Variants in COL14A1 observed in about 807,000 individuals in gnomAD.
COL14A1 encodes the protein collagen type XIV alpha 1 chain.
Under a neutral mutation model 230.3 loss-of-function variants are expected in COL14A1, and 136 were observed. The observed-to-expected ratio is 0.59, with a 90% CI of 0.51 to 0.68. The LOEUF (loss-of-function observed/expected upper bound fraction) is 0.68, where lower values mean the gene tolerates loss of function less well. COL14A1 is among the 30% of genes least tolerant of loss of function. The probability of loss-of-function intolerance (pLI) is 0.00; values close to 1 mark genes in which losing one functional copy is unlikely to be tolerated. For synonymous variants in COL14A1, 792 were observed against 784.1 expected (o/e 1.01, Z -0.17); for missense variants, 1,976 against 2,215.8 (o/e 0.89, Z 2.17).
chr8:120,202,587 C>T (rs1486203788), intron 8 of COL14A1, among the ~76,000 whole-genome samples: 1 of 152,148 alleles, frequency 6.6e-6, no homozygotes, highest in Non-Finnish European at 1.5e-5. Context: ...CTATCTCTAA[C>T]ATTGTTGGTA....
intron 41 of COL14A1, 112 bp from the exon 42 acceptor site, chr8:120,332,552 G>T (rs541179169): frequency 2.3e-6 from 2 of 870,642 alleles, no homozygotes; most frequent in Non-Finnish European, 3.6e-6. Flanking sequence ...CTGGTGATGA[G>T]GGGGAGGGAA....
chr8:120,193,929 C>T (rs940414553), intron 5 of COL14A1, among the ~76,000 whole-genome samples: 3 of 152,154 alleles, frequency 2.0e-5, no homozygotes, highest in African/African-American at 7.2e-5. Flanking sequence ...TGGGAGTGAC[C>T]CGGTTTTCCA....
At chr8:120,333,140 A>G (rs1274881072) in intron 42 of COL14A1, among the ~76,000 whole-genome samples, 1 of 152,236 alleles carries the variant, frequency 6.6e-6, no homozygotes, top group Non-Finnish European at 1.5e-5. Flanking sequence ...TTTCTCTTCC[A>G]AATTCTACAA....
chr8:120,283,792 T>C lies in COL14A1; in HGVS notation c.3967+14T>C. The C allele has an allele frequency of 6.2e-7, 1 of 1,602,836 alleles. No individual in the cohort carries two copies. ...TTATTTTAGACAGTAAGTATATTTA[T>C]TGAGATCACATTCACATATACATGT... On this transcript the variant is annotated intron_variant, in intron 32 of 47. Transcript: ENST00000297848.
chr8:120,238,079 G>A (rs919764346), intron 19 of COL14A1, among the ~76,000 whole-genome samples: 4 of 152,140 alleles, frequency 2.6e-5, no homozygotes. Flanking sequence ...CAGGAGGCAC[G>A]GGGGTCAGGG....
chr8:120,321,266 C>T (rs1455493103), intron 40 of COL14A1, among the ~76,000 whole-genome samples: 2 of 152,132 alleles, frequency 1.3e-5, no homozygotes, highest in Non-Finnish European at 2.9e-5. Context: ...TACACCTTTA[C>T]CTGGAGAGTG....
chr8:120,355,576 T>A (rs1822952226), intron 45 of COL14A1, among the ~76,000 whole-genome samples: 1 of 151,502 alleles, frequency 6.6e-6, no homozygotes, highest in African/African-American at 2.4e-5. Flanking sequence ...CCACACCTGG[T>A]TAATTTTTGT....
intron 1 of COL14A1, among the ~76,000 whole-genome samples, chr8:120,129,283 TGAAGGAAAGGATG>T (rs1472167336): frequency 6.6e-6 from 1 of 152,206 alleles, no homozygotes; most frequent in Non-Finnish European, 1.5e-5. Flanking sequence ...GAAAACTTCC[TGAAGGAAAGGATG>T]TCTAAACTGA....
rs188321542 is a variant in COL14A1 at position 120,209,966 on chromosome 8, A to G, written c.1467+65A>G. 1.9e-4 allele frequency: 236 copies of G among 1,219,362 alleles called. 1 individual carries two copies. The highest frequency in any genetic ancestry group is 1.9e-3 in the Middle Eastern group (6 of 3,174). 75.5% of individuals were successfully genotyped at this position (1,219,362 alleles called of 1,614,324 possible). ...TTTCCTTAAATAAAATAAAATTTTT[A>G]TTGTAAAAATTTAATGTAGAAAATT... On this transcript the variant is annotated intron_variant, in intron 12 of 47. Transcript: ENST00000297848.
At chr8:120,277,893 G>T in intron 26 of COL14A1, 1 of 292,760 alleles carries the variant, frequency 3.4e-6, no homozygotes, top group Non-Finnish European at 6.3e-6. Flanking sequence ...CCTACACAAT[G>T]TACCCTCTGA....
chr8:120,167,403 G>A (rs1014321164), intron 4 of COL14A1, among the ~76,000 whole-genome samples: 5 of 152,176 alleles, frequency 3.3e-5, no homozygotes, highest in Non-Finnish European at 7.3e-5. Flanking sequence ...ATTTTCACAG[G>A]GTGTTTTATT....
At position 120,370,311 on chromosome 8, in the gene COL14A1, C is replaced by T. The variant is rs1231971643; in HGVS notation, c.5311+826C>T. ...TGTTCATCTTTTCCCTCCCTGTTCT[C>T]TCAAATACTCCTATCCTTATTAAGA... On this transcript the variant is annotated intron_variant, in intron 47 of 47. Transcript: ENST00000297848. The T allele has an allele frequency of 1.9e-5, 31 of 1,607,594 alleles. No individual in the cohort carries two copies. In the Admixed American group the frequency reaches 4.8e-4, roughly 25 times the overall value.
chr8:120,209,158 C>G (rs965329415), intron 11 of COL14A1, among the ~76,000 whole-genome samples: 4 of 152,032 alleles, frequency 2.6e-5, no homozygotes, highest in Non-Finnish European at 5.9e-5. Context: ...TCCTTATTCT[C>G]AAGGATGTTT....
At chr8:120,329,257 A>G (rs1050534971) in intron 40 of COL14A1, among the ~76,000 whole-genome samples, 1 of 152,142 alleles carries the variant, frequency 6.6e-6, no homozygotes, top group Non-Finnish European at 1.5e-5. Context: ...CATCCGTCAC[A>G]TACTCTGATT....
chr8:120,168,068 T>C, intron 4 of COL14A1, 93 bp from the exon 5 acceptor site: 1 of 800,962 alleles, frequency 1.2e-6, no homozygotes, highest in South Asian at 1.9e-5. Context: ...CTATAGATAC[T>C]TTTAGGGCTT....
At chr8:120,168,458 G>T (rs186248985) in intron 5 of COL14A1, among the ~76,000 whole-genome samples, 9 of 152,184 alleles carry the variant, frequency 5.9e-5, no homozygotes, top group Admixed American at 3.3e-4. Context: ...TCTCAGAATG[G>T]TGCATATATG....
intron 3 of COL14A1, among the ~76,000 whole-genome samples, chr8:120,160,841 T>A (rs932219795): frequency 6.6e-6 from 1 of 152,226 alleles, no homozygotes; most frequent in African/African-American, 2.4e-5. Flanking sequence ...AATAGTTTAA[T>A]GGTCAAATAA....
At chr8:120,319,046 T>C (rs1459711517) in intron 40 of COL14A1, among the ~76,000 whole-genome samples, 1 of 152,226 alleles carries the variant, frequency 6.6e-6, no homozygotes, top group East Asian at 1.9e-4. Flanking sequence ...TTTAGCTCCT[T>C]GGACAGTGTA....
rs78172366 is a variant in COL14A1 at position 120,318,425 on chromosome 8, T to C, written c.4659+2428T>C. On this transcript the variant is annotated intron_variant, in intron 40 of 47. Coordinates refer to ENST00000297848, the MANE Select transcript of COL14A1 (RefSeq NM_021110.4). ...AGAGAAGGAAAGAAGAAATGAAGGA[T>C]GGATTAAAAACGGCTATTTAGGTGG... Among the ~76,000 whole-genome samples, 1,354 of 152,144 alleles carry C rather than the reference T, an allele frequency of 8.9e-3. 10 individuals carry two copies. The highest frequency in any genetic ancestry group is 0.016 in the Non-Finnish European group (1,084 of 67,990).
Sources: allele counts gnomAD v4.1 joint callset (sites outside exome capture counted in the v4.1 genomes callset), GRCh38; gene constraint gnomAD v4.1.1; transcripts MANE v1.5; gene names NCBI Gene and HGNC (gene_info 2026-07-23, HGNC 2026-07-21).